Variants in AMDHD1 observed in about 807,000 individuals in gnomAD.
AMDHD1 encodes amidohydrolase domain containing 1, also known as probable imidazolonepropionase.
AMDHD1 carries 45 observed loss-of-function variants against 44.1 expected under a neutral mutation model. The ratio of observed to expected loss-of-function variants is 1.02; its 90% CI spans 0.80 to 1.31. AMDHD1 has a LOEUF of 1.31. AMDHD1 is among the 50% of genes most tolerant of loss of function. The probability of loss-of-function intolerance (pLI) is 0.00; values close to 1 mark genes in which losing one functional copy is unlikely to be tolerated. For synonymous variants in AMDHD1, 206 were observed against 205.0 expected, an observed-to-expected ratio of 1.00 and a Z score of -0.04; for missense variants, 586 against 552.1, an observed-to-expected ratio of 1.06 and a Z score of -0.61.
intron 1 of AMDHD1, among the ~76,000 whole-genome samples, chr12:95,951,256 C>T (rs2080524760): frequency 6.6e-6 from 1 of 152,186 alleles, no homozygotes; most frequent in Non-Finnish European, 1.5e-5. Flanking sequence ...TTCCCAGCCT[C>T]TGGTAACCAT....
chr12:95,956,312 A>C (rs903795195), intron 3 of AMDHD1, among the ~76,000 whole-genome samples: 4 of 152,016 alleles, frequency 2.6e-5, no homozygotes, highest in Non-Finnish European at 5.9e-5. Context: ...GTTTCACCAT[A>C]TTGGTCAGGC....
At chr12:95,955,180 G>T (rs184185316) in intron 3 of AMDHD1, among the ~76,000 whole-genome samples, 13 of 152,208 alleles carry the variant, frequency 8.5e-5, no homozygotes, top group Admixed American at 2.6e-4. Context: ...GGCTATTCCT[G>T]CCCACTAATG....
At position 95,966,634 on chromosome 12, in the gene AMDHD1, T is replaced by A. The variant is rs369609960; in HGVS notation, c.1193+126T>A. On this transcript the variant is annotated intron_variant, in intron 8 of 8. Coordinates refer to ENST00000266736, the MANE Select transcript of AMDHD1 (RefSeq NM_152435.3). ...TGGACTCAGACACTATCCAGTCCCC[T>A]CTATCTTGATCCCTTTCCAAAGAGC... 4.2e-6 allele frequency: 5 copies of A among 1,188,290 alleles called. No homozygotes were observed. In the African/African-American group the frequency reaches 6.1e-5, roughly 14 times the overall value. The allele number at this position is 1,188,290 out of a possible 1,614,324, so 73.6% of individuals were successfully genotyped here. A position where few individuals can be genotyped will look rare whatever the true frequency, so the allele number is the denominator to read the frequency against.
At position 95,966,463 on chromosome 12, in the gene AMDHD1, T is replaced by C. The variant is rs2080611359; in HGVS notation, c.1148T>C (p.Leu383Ser). 3 of 1,614,150 alleles carry C rather than the reference T, an allele frequency of 1.9e-6. No individual in the cohort carries two copies. Among genetic ancestry groups the C allele is most frequent in the Non-Finnish European group, 2.5e-6 (3 of 1,180,046 alleles). Residue 383 changes from leucine to serine, a missense_variant, in exon 8 of 9, where the codon TTG becomes TCG. Transcript: ENST00000266736. ...ALGKSHTHGSLEVGKQGDLII... is the reference protein window; with the variant it reads ...ALGKSHTHGSSEVGKQGDLII... The stretch of plus-strand genomic sequence containing the variant: ...GGAAAGTCTCACACACACGGATCGT[T>C]GGAAGTTGGCAAACAGGGAGATCTC...
intron 7 of AMDHD1, among the ~76,000 whole-genome samples, chr12:95,966,055 A>C (rs2080608527): frequency 6.6e-6 from 1 of 152,212 alleles, no homozygotes; most frequent in South Asian, 2.1e-4. Flanking sequence ...CTTTCTCCAG[A>C]GAATAGCATA....
Position 95,943,462 on chromosome 12 carries a change from G to A in AMDHD1, c.64G>A (p.Gly22Ser), listed in dbSNP as rs749204970. The change falls in exon 1 of 9, where the codon GGC (glycine) becomes AGC (serine). Residue 22 changes from glycine (G) to serine (S), a missense_variant. Transcript: ENST00000266736. The part of the protein sequence containing the change: ...AQQVVLVCAR[G>S]ERFLARDALR... ...GCAAGTGGTGCTGGTGTGCGCCCGC[G>A]GCGAGCGCTTCCTGGCGCGGGATGC... 3 of 1,503,930 alleles carry A rather than the reference G, an allele frequency of 2.0e-6. No individual in the cohort carries two copies. Among genetic ancestry groups the A allele is most frequent in the South Asian group, 2.5e-5 (2 of 81,362 alleles). The allele number at this position is 1,503,930 out of a possible 1,614,324, so 93.2% of individuals were successfully genotyped here.
At chr12:95,955,644 G>A (rs979275971) in intron 3 of AMDHD1, among the ~76,000 whole-genome samples, 3 of 152,124 alleles carry the variant, frequency 2.0e-5, no homozygotes, top group South Asian at 2.1e-4. Context: ...TTGTATAGAC[G>A]GAGAAAGAGA....
In AMDHD1 at chr12:95,965,810, C is replaced by A. The variant is rs377465888; in HGVS notation, c.1032+31C>A. The A allele has an allele frequency of 3.2e-5, 44 of 1,372,298 alleles. No individual in the cohort carries two copies. In the African/African-American group the frequency reaches 5.6e-4, roughly 17 times the overall value. 85.0% of individuals were successfully genotyped at this position (1,372,298 alleles called of 1,614,324 possible). The stretch of plus-strand genomic sequence containing the variant: ...TATTTTTTTCATGTACCTTTCTGAG[C>A]AGAGTATCTACCAAGCATATAAATA... On this transcript the variant is annotated intron_variant, in intron 7 of 8. Transcript: ENST00000266736.
intron 1 of AMDHD1, among the ~76,000 whole-genome samples, chr12:95,946,359 A>G (rs1185529965): frequency 6.6e-6 from 1 of 152,192 alleles, no homozygotes; most frequent in Non-Finnish European, 1.5e-5. Context: ...CAGGTGGACA[A>G]TGAACCTAAA....
chr12:95,962,366 A>G lies in AMDHD1; in HGVS notation c.825A>G (p.Glu275=), dbSNP rs758113610. The part of the protein sequence containing the change: ...HPMKAAELGA[E]LGAQAISHLE... ...CCCATTCTCCTTAGCTTGGGGCTGA[A>G]CTGGGAGCGCAGGCAATCAGCCACC... The change falls in exon 6 of 9, where the codon GAA becomes GAG. Residue 275 remains glutamate, a synonymous_variant. Coordinates refer to ENST00000266736, the MANE Select transcript of AMDHD1 (RefSeq NM_152435.3). 1 of 1,613,788 alleles carries G rather than the reference A, an allele frequency of 6.2e-7. No homozygotes were observed.
At chr12:95,954,680 G>A (rs1375310491) in intron 2 of AMDHD1, among the ~76,000 whole-genome samples, 1 of 152,190 alleles carries the variant, frequency 6.6e-6, no homozygotes, top group Non-Finnish European at 1.5e-5. Context: ...TTTTCATCAT[G>A]TTGCATCACC....
At chr12:95,952,099 T>C (rs1453792190) in intron 1 of AMDHD1, among the ~76,000 whole-genome samples, 1 of 152,208 alleles carries the variant, frequency 6.6e-6, no homozygotes, top group Non-Finnish European at 1.5e-5. Flanking sequence ...GTGATCCCAT[T>C]TGTCCATTTT....
rs55989254 is a variant in AMDHD1, at chr12:95,967,736, G to GTTT, written c.1194-7_1194-5dup. On this transcript the variant is annotated intron_variant, in intron 8 of 8. Coordinates refer to ENST00000266736, the MANE Select transcript of AMDHD1 (RefSeq NM_152435.3). ...TGCACACATTGAAGTAATATTTGTT[G>GTTT]TTTTTTTTTTTTTTTCTAGATGGGA... The GTTT allele has an allele frequency of 4.1e-3, 5,130 of 1,255,770 alleles. 8 individuals carry two copies. The highest frequency in any genetic ancestry group is 0.01 in the East Asian group (357 of 34,322). 77.8% of individuals were successfully genotyped at this position (1,255,770 alleles called of 1,614,324 possible).
At chr12:95,967,299 CT>C (rs2080616486) in intron 8 of AMDHD1, among the ~76,000 whole-genome samples, 2 of 152,194 alleles carry the variant, frequency 1.3e-5, no homozygotes, top group African/African-American at 2.4e-5. Context: ...ATTATGGAAG[CT>C]ACAATTCAAA....
intron 6 of AMDHD1, among the ~76,000 whole-genome samples, chr12:95,963,902 G>T (rs184978004): frequency 6.6e-6 from 1 of 151,874 alleles, no homozygotes. Flanking sequence ...GGTGGCGCGC[G>T]CCTGTAGTCC....
intron 4 of AMDHD1, among the ~76,000 whole-genome samples, chr12:95,958,479 C>T (rs2080563730): frequency 6.6e-6 from 1 of 152,104 alleles, no homozygotes; most frequent in Non-Finnish European, 1.5e-5. Flanking sequence ...CTCAAAATTT[C>T]ACTGAGACTC....
At chr12:95,953,775 T>G (rs1015365306) in intron 2 of AMDHD1, among the ~76,000 whole-genome samples, 5 of 152,120 alleles carry the variant, frequency 3.3e-5, no homozygotes, top group African/African-American at 1.2e-4. Context: ...GCAACAGGGT[T>G]TCACCATGTT....
Position 95,962,472 on chromosome 12 carries a change from A to G in AMDHD1, c.931A>G (p.Met311Val), listed in dbSNP as rs756742957. Residue 311 changes from methionine (M) to valine (V), a missense_variant, in exon 6 of 9, where the codon ATG becomes GTG. Coordinates refer to ENST00000266736, the MANE Select transcript of AMDHD1 (RefSeq NM_152435.3). Reference protein sequence around the residue: ...SAILLPTTAYMLRLKQPRARK... With the variant: ...SAILLPTTAYVLRLKQPRARK... ...CATCCTTCTGCCCACCACAGCCTAC[A>G]TGCTGAGGTAAGGTCGTTTCTCACC... The G allele has an allele frequency of 2.5e-6, 4 of 1,600,934 alleles. No homozygotes were observed. The highest frequency in any genetic ancestry group is 1.7e-4 in the Middle Eastern group (1 of 6,042).
At chr12:95,948,295 C>T (rs1403282093) in intron 1 of AMDHD1, among the ~76,000 whole-genome samples, 3 of 107,536 alleles carry the variant, frequency 2.8e-5, no homozygotes, top group Admixed American at 8.9e-5. Context: ...CCAGCCGCCT[C>T]GTCCGGGAGG....
Sources: allele counts gnomAD v4.1 joint callset (sites outside exome capture counted in the v4.1 genomes callset), GRCh38; gene constraint gnomAD v4.1.1; transcripts MANE v1.5; gene names NCBI Gene and HGNC (gene_info 2026-07-23, HGNC 2026-07-21).